The following CHD2 variants were observed in gnomAD, a reference collection of about 807,000 sequenced individuals.
The protein encoded by CHD2 is chromodomain helicase DNA binding protein 2.
A neutral mutation model predicts 243.9 loss-of-function variants in CHD2; 28 were observed. The ratio of observed to expected loss-of-function variants is 0.11; its 90% CI spans 0.09 to 0.16. The LOEUF (loss-of-function observed/expected upper bound fraction) is 0.16, where lower values mean the gene tolerates loss of function less well. CHD2 is among the 10% of genes least tolerant of loss of function. The pLI is 1.00. For missense variants in CHD2, 1,386 were observed against 2,209.8 expected, an observed-to-expected ratio of 0.63 and a Z score of 7.47; for synonymous variants, 775 against 779.0, an observed-to-expected ratio of 0.99 and a Z score of 0.09.
At chr15:92,922,971 G>A (rs1477862066) in intron 2 of CHD2, among the ~76,000 whole-genome samples, 3 of 152,156 alleles carry the variant, frequency 2.0e-5, no homozygotes, top group Non-Finnish European at 2.9e-5. Context: ...CCTATGGGAT[G>A]TTTGGAATGA....
chr15:93,003,309 T>C (rs36032658), intron 33 of CHD2, among the ~76,000 whole-genome samples: 54,893 of 150,046 alleles, frequency 0.37, 11,096 homozygotes, highest in East Asian at 0.8. Context: ...AAAAAAATCA[T>C]TTTTAATAGT....
intron 2 of CHD2, among the ~76,000 whole-genome samples, chr15:92,922,868 T>C (rs2052985458): frequency 6.6e-6 from 1 of 152,192 alleles, no homozygotes; most frequent in South Asian, 2.1e-4. Flanking sequence ...TATTGTTTTC[T>C]CTGTGCTTGA....
intron 2 of CHD2, among the ~76,000 whole-genome samples, chr15:92,916,330 T>C (rs1400410623): frequency 6.6e-6 from 1 of 152,242 alleles, no homozygotes; most frequent in East Asian, 1.9e-4. Flanking sequence ...TCAGATACTT[T>C]TGGGCTCACA....
At chr15:92,996,428 A>G (rs1485856923) in intron 28 of CHD2, among the ~76,000 whole-genome samples, 6 of 151,916 alleles carry the variant, frequency 3.9e-5, no homozygotes, top group Non-Finnish European at 8.8e-5. Context: ...CCAAAGTGCT[A>G]GGATTACAGG....
In CHD2 at chr15:92,997,171, C is replaced by T; in HGVS notation, c.3734+76C>T. 1.6e-5 allele frequency: 25 copies of T among 1,605,666 alleles called. No individual in the cohort carries two copies. Among genetic ancestry groups the T allele is most frequent in the Non-Finnish European group, 2.1e-5 (25 of 1,176,244 alleles). ...ATTTGAAGTTAGACTTTGTGTAGTT[C>T]CATAGTATTTTTACTGTCTCTTCTT... On this transcript the variant is annotated intron_variant, in intron 29 of 38. Coordinates refer to ENST00000394196, the MANE Select transcript of CHD2 (RefSeq NM_001271.4). This position sits in a 1 kb window ranked among gnomAD's most constrained non-coding sequence, Gnocchi z 4.1.
intron 28 of CHD2, among the ~76,000 whole-genome samples, chr15:92,994,825 T>C (rs2054166951): frequency 6.6e-6 from 1 of 152,026 alleles, no homozygotes; most frequent in Non-Finnish European, 1.5e-5. Flanking sequence ...AAAGTCTCCC[T>C]TTTTTTTGTG....
Position 92,937,548 on chromosome 15 carries a change from TGAACAG to T in CHD2, c.480_485del (p.Glu161_Gln162del). ...AATGGAAACAGGAACCCTCAGAAGA[TGAACAG>T]GAACAAGGCACCAGTGCAGAGAGTG... On this transcript the variant is annotated inframe_deletion, in exon 6 of 39. Transcript: ENST00000394196. The T allele has an allele frequency of 6.2e-7, 1 of 1,612,624 alleles. No homozygotes were observed. The highest frequency in any genetic ancestry group is 8.5e-7 in the Non-Finnish European group (1 of 1,179,376).
At chr15:93,003,644 A>C (rs966437945) in intron 33 of CHD2, among the ~76,000 whole-genome samples, 2 of 150,028 alleles carry the variant, frequency 1.3e-5, no homozygotes, top group African/African-American at 2.5e-5. Context: ...TCATGAACAT[A>C]TGACTGATAC....
At chr15:93,023,123 T>G (rs1317314331) in intron 38 of CHD2, among the ~76,000 whole-genome samples, 1 of 152,226 alleles carries the variant, frequency 6.6e-6, no homozygotes, top group Non-Finnish European at 1.5e-5. Flanking sequence ...TTCTATCTAG[T>G]TCCAAAACAC....
intron 2 of CHD2, among the ~76,000 whole-genome samples, chr15:92,913,431 TG>T (rs2052777564): frequency 6.6e-6 from 1 of 152,178 alleles, no homozygotes; most frequent in South Asian, 2.1e-4. Flanking sequence ...TGGACATTTT[TG>T]CTTGTCACTC....
At chr15:92,941,673 G>A in intron 7 of CHD2, 149 bp from the exon 8 acceptor site, 1 of 719,492 alleles carries the variant, frequency 1.4e-6, no homozygotes, top group South Asian at 2.0e-5. Context: ...AAAAAAGTAA[G>A]CTTTGAGCCT....
At chr15:93,008,698 G>T (rs1357858244) in intron 34 of CHD2, among the ~76,000 whole-genome samples, 1 of 152,142 alleles carries the variant, frequency 6.6e-6, no homozygotes, top group African/African-American at 2.4e-5. Context: ...AAAGATGCTT[G>T]TGTTCTGTTT....
chr15:92,907,142 A>G (rs3826037), intron 2 of CHD2, among the ~76,000 whole-genome samples: 68 of 151,870 alleles, frequency 4.5e-4, no homozygotes, highest in African/African-American at 1.6e-3. Context: ...GGGGAGAGAC[A>G]TTTTTTAAAA....
At chr15:92,929,651 A>C (rs2053128738) in intron 5 of CHD2, among the ~76,000 whole-genome samples, 1 of 151,968 alleles carries the variant, frequency 6.6e-6, no homozygotes, top group Non-Finnish European at 1.5e-5. Flanking sequence ...ATATGATATG[A>C]AATTATTTGA....
chr15:93,012,157 A>G (rs545998755), intron 35 of CHD2, among the ~76,000 whole-genome samples, 188 bp from the exon 36 acceptor site: 10 of 152,318 alleles, frequency 6.6e-5, no homozygotes, highest in South Asian at 6.2e-4. Context: ...CCAAGAACCT[A>G]TCGACAACAT....
At chr15:93,004,588 A>G (rs2054296953) in intron 33 of CHD2, 29 bp from the exon 34 acceptor site, 1 of 1,593,768 alleles carries the variant, frequency 6.3e-7, no homozygotes, top group African/African-American at 1.3e-5. Context: ...CACAAATGAC[A>G]ATGACTCCTT....
At chr15:92,991,371 T>G (rs1042928210) in intron 26 of CHD2, 105 bp from the exon 27 acceptor site, 1 of 730,238 alleles carries the variant, frequency 1.4e-6, no homozygotes, top group African/African-American at 1.8e-5. Context: ...CCACTCTATT[T>G]TTGACAATTT....
chr15:93,007,762 A>G (rs1168103028), intron 34 of CHD2, among the ~76,000 whole-genome samples: 1 of 152,100 alleles, frequency 6.6e-6, no homozygotes, highest in Non-Finnish European at 1.5e-5. Context: ...CGAATTCTGG[A>G]TATTGGTCCC....
intron 20 of CHD2, among the ~76,000 whole-genome samples, chr15:92,977,099 G>A (rs1326519606): frequency 6.6e-6 from 1 of 152,012 alleles, no homozygotes; most frequent in East Asian, 1.9e-4. Flanking sequence ...TGGTTGATAG[G>A]ATCTTTTTGA....
Sources: allele counts gnomAD v4.1 joint callset (sites outside exome capture counted in the v4.1 genomes callset), GRCh38; gene constraint gnomAD v4.1.1; non-coding constraint Gnocchi (gnomAD v3.1); transcripts MANE v1.5; gene names NCBI Gene and HGNC (gene_info 2026-07-23, HGNC 2026-07-21).